The following PEBP4 variants were observed in gnomAD, a reference collection of about 807,000 sequenced individuals.
PEBP4 encodes phosphatidylethanolamine-binding protein 4.
Under a neutral mutation model 23.9 loss-of-function variants are expected in PEBP4, and 22 were observed. The observed-to-expected ratio is 0.92, with a 90% CI of 0.66 to 1.31. The LOEUF (loss-of-function observed/expected upper bound fraction) is 1.31, where lower values mean the gene tolerates loss of function less well. Ranked by LOEUF, PEBP4 falls within the 40% of genes most tolerant of loss-of-function variation. The probability of loss-of-function intolerance (pLI) is 0.00; values close to 1 mark genes in which losing one functional copy is unlikely to be tolerated. For synonymous variants in PEBP4, 112 were observed against 99.3 expected (o/e 1.13, Z -0.76); for missense variants, 324 against 281.7 (o/e 1.15, Z -1.07).
At chr8:22,854,018 G>A (rs562379722) in intron 3 of PEBP4, among the ~76,000 whole-genome samples, 7 of 152,246 alleles carry the variant, frequency 4.6e-5, no homozygotes, top group Non-Finnish European at 8.8e-5. Flanking sequence ...TCATATAAGA[G>A]AAAAAAATGA....
chr8:22,788,467 G>A (rs1351123911), intron 4 of PEBP4, among the ~76,000 whole-genome samples: 1 of 152,192 alleles, frequency 6.6e-6, no homozygotes, highest in East Asian at 1.9e-4. Context: ...AGTGGGGACC[G>A]AGGTTGGCAG....
chr8:22,795,163 A>ATATAT (rs1563218555), intron 4 of PEBP4, among the ~76,000 whole-genome samples: 1 of 47,344 alleles, frequency 2.1e-5, no homozygotes, highest in Non-Finnish European at 3.4e-5. Context: ...ATATATATAT[A>ATATAT]TTTTTTTTTT....
rs1563237952 is a variant in PEBP4, at chr8:22,853,711, A to G, written c.259-35976T>C. Among the ~76,000 whole-genome samples, 8 of 152,320 alleles carry G rather than the reference A, an allele frequency of 5.3e-5. No homozygotes were observed. The South Asian group carries it at 1.7e-3, about 32-fold the overall frequency. On this transcript the variant is annotated intron_variant, in intron 3 of 6. Coordinates refer to ENST00000256404, the MANE Select transcript of PEBP4 (RefSeq NM_144962.3). ...ATACAGAGCTCAAATCCTGGACTCT[A>G]CTATTGCCTCCTGGAAGTCCAGCAC...
intron 4 of PEBP4, among the ~76,000 whole-genome samples, chr8:22,779,674 C>A (rs545604612): frequency 1.3e-5 from 2 of 152,182 alleles, no homozygotes; most frequent in South Asian, 4.1e-4. Flanking sequence ...TATCTATGAA[C>A]CACTGATATG....
intron 3 of PEBP4, among the ~76,000 whole-genome samples, chr8:22,874,926 A>T (rs551074320): frequency 6.6e-6 from 1 of 151,996 alleles, no homozygotes; most frequent in Admixed American, 6.5e-5. Flanking sequence ...GGAATTTATT[A>T]TTTTTTTTCA....
At chr8:22,901,875 A>G (rs1293263341) in intron 3 of PEBP4, among the ~76,000 whole-genome samples, 1 of 152,172 alleles carries the variant, frequency 6.6e-6, no homozygotes. Context: ...GCCATGTGTC[A>G]TGTTTTAGAA....
intron 4 of PEBP4, among the ~76,000 whole-genome samples, chr8:22,794,563 G>A (rs1806204803): frequency 6.6e-6 from 1 of 152,230 alleles, no homozygotes; most frequent in Admixed American, 6.5e-5. Context: ...GGGATGACAA[G>A]CGTGAGCCAC....
intron 2 of PEBP4, among the ~76,000 whole-genome samples, chr8:22,920,864 A>G (rs1388507369): frequency 1.4e-4 from 21 of 152,226 alleles, no homozygotes; most frequent in Admixed American, 1.4e-3. Flanking sequence ...TGGGTTAAGC[A>G]TTGACTGTAG....
intron 1 of PEBP4, among the ~76,000 whole-genome samples, chr8:22,934,577 C>T (rs891524898): frequency 2.6e-5 from 4 of 152,150 alleles, no homozygotes; most frequent in South Asian, 2.1e-4. Context: ...TGGCACATGC[C>T]TGTAGTTCCA....
chr8:22,836,088 C>T (rs1387615333), intron 3 of PEBP4, among the ~76,000 whole-genome samples: 1 of 152,206 alleles, frequency 6.6e-6, no homozygotes, highest in East Asian at 1.9e-4. Context: ...GATGTGAATC[C>T]TACTCGGCTG....
chr8:22,898,391 C>CAAAAAAAAAAAAAAAAAAAAAA lies in PEBP4; in HGVS notation c.258+21771_258+21792dup, dbSNP rs536993520. Among the ~76,000 whole-genome samples the CAAAAAAAAAAAAAAAAAAAAAA allele has an allele frequency of 2.5e-4, 2 of 7,960 alleles. 1 individual carries two copies. The highest frequency in any genetic ancestry group is 3.1e-3 in the Admixed American group (2 of 652). The allele number at this position is 7,960 out of a possible 152,430, so 5.2% of individuals were successfully genotyped here. A position where few individuals can be genotyped will look rare whatever the true frequency, so the allele number is the denominator to read the frequency against. ...TGAGCGACAGAGGAAGACTCCACCCCAAAAAAAAAAAAAAAAAAAAAAAAA... is the reference window on the plus strand; with the variant it reads ...TGAGCGACAGAGGAAGACTCCACCCCAAAAAAAAAAAAAAAAAAAAAAAAAAAAAAAAAAAAAAAAAAAAAAA... On this transcript the variant is annotated intron_variant, in intron 3 of 6. Coordinates refer to ENST00000256404, the MANE Select transcript of PEBP4 (RefSeq NM_144962.3).
intron 6 of PEBP4, among the ~76,000 whole-genome samples, chr8:22,717,964 G>A (rs1804448278): frequency 6.6e-6 from 1 of 152,150 alleles, no homozygotes; most frequent in African/African-American, 2.4e-5. Context: ...GTAGGCGGGA[G>A]GCCTGAGACT....
At chr8:22,725,985 C>T (rs998116177) in intron 5 of PEBP4, among the ~76,000 whole-genome samples, 2 of 138,276 alleles carry the variant, frequency 1.4e-5, no homozygotes, top group Admixed American at 7.6e-5. Flanking sequence ...ATTTTTGGAT[C>T]GCAGATCAGA....
Position 22,860,819 on chromosome 8 carries a change from A to G in PEBP4, c.259-43084T>C, listed in dbSNP as rs571707515. Among the ~76,000 whole-genome samples, 6 of 152,314 alleles carry G rather than the reference A, an allele frequency of 3.9e-5. No individual in the cohort carries two copies. The South Asian group carries it at 1.2e-3, about 32-fold the overall frequency. On this transcript the variant is annotated intron_variant, in intron 3 of 6. Transcript: ENST00000256404. ...ACAGTCTCTCCTGCACGGTCCATCC[A>G]AGCCCAGCTTACTGAGCACACTGCA...
chr8:22,857,319 G>A (rs1807674731), intron 3 of PEBP4, among the ~76,000 whole-genome samples: 1 of 151,920 alleles, frequency 6.6e-6, no homozygotes, highest in African/African-American at 2.4e-5. Flanking sequence ...AGTTTACAGA[G>A]AAAGCATCTA....
chr8:22,803,050 A>G (rs1447087554), intron 4 of PEBP4, among the ~76,000 whole-genome samples: 1 of 151,874 alleles, frequency 6.6e-6, no homozygotes, highest in Admixed American at 6.6e-5. Flanking sequence ...AGCAGAGCAG[A>G]CCCCTCATGG....
chr8:22,812,775 C>T (rs566869177), intron 4 of PEBP4, among the ~76,000 whole-genome samples: 3 of 152,176 alleles, frequency 2.0e-5, no homozygotes, highest in African/African-American at 7.2e-5. Context: ...ATTTTTATAT[C>T]GATATATTTA....
At chr8:22,832,499 A>C (rs991501167) in intron 3 of PEBP4, among the ~76,000 whole-genome samples, 4 of 152,060 alleles carry the variant, frequency 2.6e-5, no homozygotes, top group African/African-American at 9.7e-5. Context: ...TTTTTAAGCC[A>C]CCCAGTCTAT....
chr8:22,851,232 C>A (rs192695335), intron 3 of PEBP4, among the ~76,000 whole-genome samples: 28 of 152,286 alleles, frequency 1.8e-4, no homozygotes, highest in African/African-American at 6.0e-4. Context: ...GACTCCTGGG[C>A]TTCTGGAAGA....
Sources: allele counts gnomAD v4.1 joint callset (sites outside exome capture counted in the v4.1 genomes callset), GRCh38; gene constraint gnomAD v4.1.1; transcripts MANE v1.5; gene names NCBI Gene and HGNC (gene_info 2026-07-23, HGNC 2026-07-21).